The following ANK3 variants were observed in gnomAD, a reference collection of about 807,000 sequenced individuals.
ANK3 encodes the protein ankyrin 3, also known as ankyrin-3.
In ANK3, 57 loss-of-function variants were observed where a neutral mutation model predicts 370.9. The ratio of observed to expected loss-of-function variants is 0.15; its 90% CI spans 0.12 to 0.19. The LOEUF (loss-of-function observed/expected upper bound fraction) is 0.19. ANK3 is among the 10% of genes least tolerant of loss of function. The pLI, the probability that ANK3 is intolerant of heterozygous loss-of-function variation, is 1.00. For missense variants in ANK3, 4,439 were observed against 5,302.1 expected, an observed-to-expected ratio of 0.84 and a Z score of 5.06; for synonymous variants, 1,929 against 1,946.3, an observed-to-expected ratio of 0.99 and a Z score of 0.23.
At chr10:60,275,628 CA>C (rs1302789238) in intron 4 of ANK3, among the ~76,000 whole-genome samples, 1 of 152,078 alleles carries the variant, frequency 6.6e-6, no homozygotes, top group Non-Finnish European at 1.5e-5. Flanking sequence ...ACCAAAGTCC[CA>C]TACTTGTACT....
At chr10:60,300,452 T>C (rs1015123021) in intron 1 of ANK3, 88 of 1,285,412 alleles carry the variant, frequency 6.8e-5, no homozygotes, top group Non-Finnish European at 8.7e-5. Flanking sequence ...TGTAAAGGTT[T>C]CCCCCACTTC....
chr10:60,161,862 T>C (rs1387352762), intron 23 of ANK3, among the ~76,000 whole-genome samples: 1 of 152,148 alleles, frequency 6.6e-6, no homozygotes, highest in East Asian at 1.9e-4. Context: ...TAGTTAACAA[T>C]AATTTATAGT....
intron 1 of ANK3, among the ~76,000 whole-genome samples, chr10:60,301,158 GTA>G (rs1210245601): frequency 4.1e-5 from 6 of 145,558 alleles, no homozygotes; most frequent in South Asian, 2.1e-4. Flanking sequence ...ATCTGTGTGT[GTA>G]TATATATATA....
chr10:60,090,124 C>T (rs6479690), intron 28 of ANK3, among the ~76,000 whole-genome samples: 37,805 of 151,970 alleles, frequency 0.25, 5,357 homozygotes, highest in Non-Finnish European at 0.31. Flanking sequence ...CAAGACCAGC[C>T]GGGCCAACAT....
At chr10:60,134,803 G>A (rs1168753119) in intron 24 of ANK3, among the ~76,000 whole-genome samples, 1 of 152,190 alleles carries the variant, frequency 6.6e-6, no homozygotes, top group Non-Finnish European at 1.5e-5. Context: ...CTGTTTATAA[G>A]TCTTTGGGAC....
chr10:60,168,735 C>T (rs1463425064), intron 21 of ANK3, among the ~76,000 whole-genome samples: 3 of 152,102 alleles, frequency 2.0e-5, no homozygotes, highest in African/African-American at 7.2e-5. Context: ...TGTCCTTCCC[C>T]TCCCTGTGTC....
intron 28 of ANK3, among the ~76,000 whole-genome samples, chr10:60,097,466 A>G (rs1267139572): frequency 6.6e-6 from 1 of 152,228 alleles, no homozygotes; most frequent in Non-Finnish European, 1.5e-5. Flanking sequence ...GATAAATGAT[A>G]AATTTCTTAA....
intron 6 of ANK3, 151 bp downstream of exon 6, chr10:60,263,684 T>A: frequency 1.1e-6 from 1 of 905,446 alleles, no homozygotes; most frequent in South Asian, 1.8e-5. Flanking sequence ...AGGCTGTGCC[T>A]TCAGTGGCTA....
intron 2 of ANK3, among the ~76,000 whole-genome samples, chr10:60,501,705 C>CAAA (rs376934079): frequency 2.5e-5 from 2 of 79,764 alleles, no homozygotes; most frequent in Admixed American, 1.3e-4. Context: ...GACTCTGTCT[C>CAAA]AAAAAAAAAA....
At chr10:60,528,865 G>C (rs1440912796) in intron 2 of ANK3, among the ~76,000 whole-genome samples, 1 of 152,098 alleles carries the variant, frequency 6.6e-6, no homozygotes, top group Admixed American at 6.6e-5. Flanking sequence ...TCTATATTCA[G>C]TACAGATGCT....
At chr10:60,578,529 ATTCCC>A (rs1414005831) in intron 2 of ANK3, among the ~76,000 whole-genome samples, 1 of 152,216 alleles carries the variant, frequency 6.6e-6, no homozygotes, top group African/African-American at 2.4e-5. Context: ...ATCTAAAGAT[ATTCCC>A]TTGCTTTGTA....
At chr10:60,404,932 A>G (rs2063423233) in intron 2 of ANK3, among the ~76,000 whole-genome samples, 1 of 152,188 alleles carries the variant, frequency 6.6e-6, no homozygotes, top group South Asian at 2.1e-4. Context: ...AAATTGGTCA[A>G]TACATACAGA....
intron 2 of ANK3, among the ~76,000 whole-genome samples, chr10:60,400,824 C>T (rs2063338365): frequency 6.6e-6 from 1 of 151,982 alleles, no homozygotes; most frequent in African/African-American, 2.4e-5. Context: ...GGTGTTAAGC[C>T]CAGCATGCAT....
chr10:60,361,921 T>C (rs1353157706), intron 1 of ANK3, among the ~76,000 whole-genome samples: 2 of 152,174 alleles, frequency 1.3e-5, no homozygotes, highest in Non-Finnish European at 2.9e-5. Flanking sequence ...GGAAAACACA[T>C]ACACACGGTT....
At chr10:60,240,293 T>C (rs2097428901) in intron 7 of ANK3, among the ~76,000 whole-genome samples, 1 of 102,930 alleles carries the variant, frequency 9.7e-6, no homozygotes, top group Non-Finnish European at 2.1e-5. Flanking sequence ...TATATATATA[T>C]ATATATATAT....
chr10:60,454,165 T>G (rs1274297911), intron 2 of ANK3, among the ~76,000 whole-genome samples: 1 of 152,208 alleles, frequency 6.6e-6, no homozygotes, highest in Non-Finnish European at 1.5e-5. Context: ...TTATAAGAGT[T>G]GGATTATAGG....
intron 1 of ANK3, among the ~76,000 whole-genome samples, chr10:60,634,798 GAAAC>G (rs899665977): frequency 5.3e-5 from 8 of 152,074 alleles, no homozygotes; most frequent in African/African-American, 9.7e-5. Flanking sequence ...CCCACCGGGA[GAAAC>G]AAACAACTCC....
chr10:60,568,738 C>A (rs1013401005), intron 2 of ANK3, among the ~76,000 whole-genome samples: 9 of 151,896 alleles, frequency 5.9e-5, no homozygotes, highest in African/African-American at 1.7e-4. Context: ...TCCCCTCAAC[C>A]CCCCAAATTT....
chr10:60,161,141 A>G (rs2095489578), intron 23 of ANK3, among the ~76,000 whole-genome samples: 1 of 152,192 alleles, frequency 6.6e-6, no homozygotes, highest in African/African-American at 2.4e-5. Context: ...TTAGAAAAAC[A>G]TAAGGATCCC....
Sources: allele counts gnomAD v4.1 joint callset (sites outside exome capture counted in the v4.1 genomes callset), GRCh38; gene constraint gnomAD v4.1.1; transcripts MANE v1.5; gene names NCBI Gene and HGNC (gene_info 2026-07-23, HGNC 2026-07-21).